The following MAGI2 variants were observed in gnomAD, a reference collection of about 807,000 sequenced individuals.
MAGI2 encodes the protein membrane-associated guanylate kinase, WW and PDZ domain-containing protein 2.
In MAGI2, 35 loss-of-function variants were observed where a neutral mutation model predicts 133.3. The ratio of observed to expected loss-of-function variants is 0.26; its 90% CI spans 0.20 to 0.35. The LOEUF is 0.35. MAGI2 is among the 10% of genes least tolerant of loss of function. The pLI is 1.00. For missense variants in MAGI2, 1,636 were observed against 1,863.4 expected, an observed-to-expected ratio of 0.88 and a Z score of 2.25; for synonymous variants, 729 against 710.6, an observed-to-expected ratio of 1.03 and a Z score of -0.41.
intron 21 of MAGI2, among the ~76,000 whole-genome samples, chr7:78,024,565 T>G (rs925853114): frequency 6.6e-6 from 1 of 152,214 alleles, no homozygotes. Flanking sequence ...GCAAGACTTA[T>G]TAGTCTTATC....
At chr7:78,684,820 A>G (rs1322835855) in intron 2 of MAGI2, among the ~76,000 whole-genome samples, 1 of 152,214 alleles carries the variant, frequency 6.6e-6, no homozygotes, top group East Asian at 1.9e-4. Context: ...TTCCACACGT[A>G]TACAAAATTA....
At chr7:78,507,334 T>C (rs149169823) in intron 4 of MAGI2, among the ~76,000 whole-genome samples, 2 of 152,322 alleles carry the variant, frequency 1.3e-5, no homozygotes, top group African/African-American at 4.8e-5. Flanking sequence ...ACCAATTTAT[T>C]CATTGGCAGT....
intron 2 of MAGI2, among the ~76,000 whole-genome samples, chr7:78,744,512 T>C (rs973850587): frequency 6.6e-6 from 1 of 152,190 alleles, no homozygotes; most frequent in African/African-American, 2.4e-5. Context: ...CTTCATTCCC[T>C]GCTAGTCCCA....
intron 1 of MAGI2, among the ~76,000 whole-genome samples, chr7:79,279,642 C>T (rs1175449940): frequency 1.3e-5 from 2 of 152,146 alleles, no homozygotes; most frequent in African/African-American, 4.8e-5. Context: ...GCACTCCAGC[C>T]TCGGCAACAG....
chr7:78,058,379 C>T (rs1812869309), intron 21 of MAGI2, among the ~76,000 whole-genome samples: 1 of 152,096 alleles, frequency 6.6e-6, no homozygotes, highest in African/African-American at 2.4e-5. Flanking sequence ...TCCCTGGGGA[C>T]TCCATCTGCT....
At chr7:78,203,021 CA>C (rs1829410203) in intron 10 of MAGI2, among the ~76,000 whole-genome samples, 1 of 152,146 alleles carries the variant, frequency 6.6e-6, no homozygotes, top group Non-Finnish European at 1.5e-5. Flanking sequence ...AAAAGTGAAA[CA>C]GATTTTAACC....
At chr7:78,257,118 G>A (rs1350127121) in intron 9 of MAGI2, among the ~76,000 whole-genome samples, 1 of 151,982 alleles carries the variant, frequency 6.6e-6, no homozygotes, top group Non-Finnish European at 1.5e-5. Flanking sequence ...AAGCTTCCAT[G>A]TATATGCGAG....
intron 2 of MAGI2, among the ~76,000 whole-genome samples, chr7:78,759,840 T>C (rs1051285143): frequency 3.0e-4 from 46 of 152,228 alleles, no homozygotes; most frequent in African/African-American, 1.1e-3. Flanking sequence ...TTTAAGAAAA[T>C]AAAGGAGGCT....
In MAGI2 at chr7:78,623,569, T is replaced by C. The variant is rs1004574123; in HGVS notation, c.538+3551A>G. ...CAATATGAAGAAGGTACAGCACTAA[T>C]GCATAAAACTGTTTCCTTTTCCTGG... On this transcript the variant is annotated intron_variant, in intron 3 of 21. Transcript: ENST00000354212. Among the ~76,000 whole-genome samples the C allele has an allele frequency of 1.1e-3, 170 of 152,230 alleles. 1 individual carries two copies. Among genetic ancestry groups the C allele is most frequent in the African/African-American group, 3.6e-3 (150 of 41,568 alleles).
intron 6 of MAGI2, among the ~76,000 whole-genome samples, chr7:78,416,505 T>G (rs1242179871): frequency 1.3e-5 from 2 of 152,168 alleles, no homozygotes; most frequent in Admixed American, 6.5e-5. Context: ...AATGTTTTAT[T>G]CTCTGTAGGT....
intron 1 of MAGI2, among the ~76,000 whole-genome samples, chr7:79,040,906 A>C (rs1811603393): frequency 6.6e-6 from 1 of 152,224 alleles, no homozygotes; most frequent in African/African-American, 2.4e-5. Flanking sequence ...CAGTGTGAGA[A>C]TGAACTAATA....
chr7:78,508,489 A>T (rs1005282049), intron 4 of MAGI2, among the ~76,000 whole-genome samples: 2 of 152,220 alleles, frequency 1.3e-5, no homozygotes, highest in Admixed American at 1.3e-4. Flanking sequence ...TAAAAATGAC[A>T]TATATTGGAT....
At chr7:78,104,957 C>G (rs1818536603) in intron 20 of MAGI2, among the ~76,000 whole-genome samples, 1 of 142,012 alleles carries the variant, frequency 7.0e-6, no homozygotes, top group Admixed American at 7.2e-5. Context: ...ACCGCCTTAA[C>G]AAATAGAACA....
At chr7:78,381,446 C>T (rs977191132) in intron 6 of MAGI2, among the ~76,000 whole-genome samples, 1 of 152,056 alleles carries the variant, frequency 6.6e-6, no homozygotes, top group African/African-American at 2.4e-5. Context: ...GATTCAAGCT[C>T]GACAAATTTA....
Position 78,116,951 on chromosome 7 carries a change from G to A in MAGI2, c.3567+8743C>T, listed in dbSNP as rs375176702. Among the ~76,000 whole-genome samples the A allele has an allele frequency of 1.5e-4, 22 of 151,584 alleles. 1 individual carries two copies. The East Asian group carries it at 3.7e-3, about 25-fold the overall frequency. ...TAAGATGAAATAGGTAAATTATTAG[G>A]AAGAAAAGCAGTTTATCAGAATAGA... On this transcript the variant is annotated intron_variant, in intron 20 of 21. Coordinates refer to ENST00000354212, the MANE Select transcript of MAGI2 (RefSeq NM_012301.4).
intron 21 of MAGI2, among the ~76,000 whole-genome samples, chr7:78,021,981 A>G (rs1584858531): frequency 1.3e-5 from 2 of 152,222 alleles, no homozygotes; most frequent in Non-Finnish European, 2.9e-5. Flanking sequence ...AAGCCGCCTC[A>G]TTAACTAGTA....
intron 2 of MAGI2, among the ~76,000 whole-genome samples, chr7:78,686,956 T>C (rs777110554): frequency 6.6e-6 from 1 of 152,162 alleles, no homozygotes; most frequent in East Asian, 1.9e-4. Flanking sequence ...TATTGCAAGA[T>C]GTAAGTAAAA....
At chr7:79,267,891 A>C (rs1331893842) in intron 1 of MAGI2, among the ~76,000 whole-genome samples, 2 of 152,196 alleles carry the variant, frequency 1.3e-5, no homozygotes, top group African/African-American at 4.8e-5. Flanking sequence ...GGATAATTTA[A>C]TAGGCAGAAA....
intron 21 of MAGI2, among the ~76,000 whole-genome samples, chr7:78,056,818 A>T (rs974478112): frequency 3.6e-4 from 55 of 152,244 alleles, no homozygotes; most frequent in African/African-American, 1.3e-3. Flanking sequence ...CCCTGAACTT[A>T]AAAGTTGAAG....
Sources: allele counts gnomAD v4.1 joint callset (sites outside exome capture counted in the v4.1 genomes callset), GRCh38; gene constraint gnomAD v4.1.1; transcripts MANE v1.5; gene names NCBI Gene and HGNC (gene_info 2026-07-23, HGNC 2026-07-21).